Variants in PTPRJ observed in about 807,000 individuals in gnomAD.
PTPRJ encodes the protein receptor-type tyrosine-protein phosphatase eta.
A neutral mutation model predicts 141.3 loss-of-function variants in PTPRJ; 129 were observed. That is an observed-to-expected ratio of 0.91 (90% CI 0.79 to 1.06). PTPRJ has a LOEUF of 1.06. Among genes scored for constraint, PTPRJ ranks in the 50% least tolerant of loss-of-function variants. The pLI is 0.00. For missense variants in PTPRJ, 1,601 were observed against 1,679.7 expected (o/e 0.95, Z 0.82); for synonymous variants, 610 against 640.5 (o/e 0.95, Z 0.72).
intron 1 of PTPRJ, among the ~76,000 whole-genome samples, chr11:48,065,352 G>A (rs1388056928): frequency 2.6e-5 from 4 of 151,946 alleles, no homozygotes; most frequent in Non-Finnish European, 5.9e-5. Context: ...CTCTAAGCCC[G>A]CTCAGTGTGT....
rs749607223 is a variant in PTPRJ, at chr11:48,130,589, A to G, written c.1488A>G (p.Val496=). Residue 496 remains valine (V), a synonymous_variant, in exon 8 of 25, where the codon GTA becomes GTG. Coordinates refer to ENST00000418331, the MANE Select transcript of PTPRJ (RefSeq NM_002843.4). ...ITQEGAGNSR[V]EITTNQSIII... is the part of the protein sequence containing the mutation. ...AGGAGGGAGCTGGCAATTCTCGGGTAGAAATAACCACCAACCAAAGTATTA... is the reference window on the plus strand; with the variant it reads ...AGGAGGGAGCTGGCAATTCTCGGGTGGAAATAACCACCAACCAAAGTATTA... 3.1e-6 allele frequency: 5 copies of G among 1,614,122 alleles called. No individual in the cohort carries two copies. The South Asian group carries it at 5.5e-5, about 18-fold the overall frequency.
At chr11:48,101,093 G>A (rs1391035955) in intron 1 of PTPRJ, among the ~76,000 whole-genome samples, 1 of 152,270 alleles carries the variant, frequency 6.6e-6, no homozygotes, top group African/African-American at 2.4e-5. Context: ...ACGGTGCCAG[G>A]TGACTCCCCC....
At chr11:48,036,624 C>T (rs910512243) in intron 1 of PTPRJ, among the ~76,000 whole-genome samples, 4 of 152,060 alleles carry the variant, frequency 2.6e-5, no homozygotes, top group Non-Finnish European at 5.9e-5. Flanking sequence ...GTTTTTTCTT[C>T]TTTTGCTGTT....
At chr11:48,152,938 A>T (rs556789269) in intron 18 of PTPRJ, among the ~76,000 whole-genome samples, 1 of 152,306 alleles carries the variant, frequency 6.6e-6, no homozygotes, top group South Asian at 2.1e-4. Flanking sequence ...TCTAAATAAG[A>T]TCCCACTCAT....
intron 1 of PTPRJ, among the ~76,000 whole-genome samples, chr11:48,044,414 A>C (rs1022036961): frequency 2.6e-5 from 4 of 152,146 alleles, no homozygotes; most frequent in Non-Finnish European, 4.4e-5. Context: ...ATCACCCTGG[A>C]ACCTAGCTGG....
chr11:48,035,803 A>G (rs1406550913), intron 1 of PTPRJ, among the ~76,000 whole-genome samples: 1 of 152,006 alleles, frequency 6.6e-6, no homozygotes, highest in Non-Finnish European at 1.5e-5. Flanking sequence ...TCTGAATTAG[A>G]GCATGGAATT....
At chr11:48,023,791 T>TA (rs1327304961) in intron 1 of PTPRJ, among the ~76,000 whole-genome samples, 1 of 135,202 alleles carries the variant, frequency 7.4e-6, no homozygotes, top group Non-Finnish European at 1.5e-5. Context: ...CAAAAATAAA[T>TA]AAATAAATAA....
At chr11:48,061,821 T>C (rs1854935443) in intron 1 of PTPRJ, among the ~76,000 whole-genome samples, 1 of 152,162 alleles carries the variant, frequency 6.6e-6, no homozygotes, top group Non-Finnish European at 1.5e-5. Flanking sequence ...CAACTCCATG[T>C]TGTGTGACTT....
intron 1 of PTPRJ, among the ~76,000 whole-genome samples, chr11:48,028,252 C>T (rs1565265144): frequency 6.6e-6 from 1 of 152,202 alleles, no homozygotes; most frequent in Non-Finnish European, 1.5e-5. Flanking sequence ...GCTTGCAGAG[C>T]ACTACCTGTC....
In PTPRJ at chr11:48,073,797, G is replaced by A. The variant is rs547063053; in HGVS notation, c.97-36261G>A. On this transcript the variant is annotated intron_variant, in intron 1 of 24. Coordinates refer to ENST00000418331, the MANE Select transcript of PTPRJ (RefSeq NM_002843.4). ...ATATGTGATTTAAAAGTAAACCCAC[G>A]TAGCTGAAAATGTCTCATAGGTTTT... Among the ~76,000 whole-genome samples, 5 of 152,036 alleles carry A rather than the reference G, an allele frequency of 3.3e-5. No individual in the cohort carries two copies. In the East Asian group the frequency reaches 7.7e-4, roughly 23 times the overall value.
rs773901570 is a variant in PTPRJ, at chr11:48,167,222, A to C, written c.3874A>C (p.Asn1292His). The C allele has an allele frequency of 1.9e-6, 3 of 1,612,240 alleles. No individual in the cohort carries two copies. Among genetic ancestry groups the C allele is most frequent in the Non-Finnish European group, 2.5e-6 (3 of 1,178,554 alleles). Residue 1292 changes from asparagine (N) to histidine (H), a missense_variant, in exon 25 of 25, where the codon AAT (asparagine) becomes CAT (histidine). Transcript: ENST00000418331. ...CTATCAGGACCAGTATGTTTTCCTC[A>C]ATCAGTGTGTTTTGGATATTGTCAG... is the stretch of plus-strand genomic sequence containing the variant. ...VQTEDQYVFL[N>H]QCVLDIVRSQ...
At chr11:48,153,712 C>T (rs1857537862) in intron 18 of PTPRJ, 84 bp from the exon 19 acceptor site, 1 of 870,960 alleles carries the variant, frequency 1.1e-6, no homozygotes, top group Admixed American at 2.0e-5. Flanking sequence ...GACTGTTGGG[C>T]TGGTTTCACT....
chr11:47,991,189 ATAAAT>A (rs747807007), intron 1 of PTPRJ, among the ~76,000 whole-genome samples: 24 of 152,202 alleles, frequency 1.6e-4, no homozygotes, highest in Non-Finnish European at 3.2e-4. Flanking sequence ...GCATAGTTAA[ATAAAT>A]TAAGTGACCA....
At chr11:48,164,231 C>T in intron 23 of PTPRJ, 149 bp from the exon 24 acceptor site, 1 of 979,788 alleles carries the variant, frequency 1.0e-6, no homozygotes, top group Non-Finnish European at 1.5e-6. Context: ...CTTGCTGAGG[C>T]TTCAACTGAG....
intron 1 of PTPRJ, among the ~76,000 whole-genome samples, chr11:48,084,726 G>A (rs1452763126): frequency 1.3e-5 from 2 of 152,140 alleles, no homozygotes; most frequent in Non-Finnish European, 2.9e-5. Context: ...GAAACTTGGA[G>A]TACGTAGTGT....
In PTPRJ at chr11:48,096,725, T is replaced by C. The variant is rs150020899; in HGVS notation, c.97-13333T>C. The C allele has an allele frequency of 3.2e-3, 488 of 154,916 alleles. 1 individual carries two copies. Among genetic ancestry groups the C allele is most frequent in the African/African-American group, 0.011 (464 of 41,598 alleles). The allele number at this position is 154,916 out of a possible 1,614,324, so 9.6% of individuals were successfully genotyped here. A position where few individuals can be genotyped will look rare whatever the true frequency, so the allele number is the denominator to read the frequency against. Reference sequence around the variant, plus strand: ...TGGGCTGCATCATCCTTCCACATTGTCTCTCTAAAGTACCTGAAGCCAGTA... The same window carrying C: ...TGGGCTGCATCATCCTTCCACATTGCCTCTCTAAAGTACCTGAAGCCAGTA... On this transcript the variant is annotated intron_variant, in intron 1 of 24. Coordinates refer to ENST00000418331, the MANE Select transcript of PTPRJ (RefSeq NM_002843.4).
rs747484779 is a variant in PTPRJ at position 47,980,977 on chromosome 11, C to CGCTGCT, written c.80_85dup (p.Leu27_Leu28dup). 16 of 1,191,832 alleles carry CGCTGCT rather than the reference C, an allele frequency of 1.3e-5. No individual in the cohort carries two copies. The highest frequency in any genetic ancestry group is 1.0e-4 in the East Asian group (3 of 29,104). 73.8% of individuals were successfully genotyped at this position (1,191,832 alleles called of 1,614,324 possible). A position where few individuals can be genotyped will look rare whatever the true frequency, so the allele number is the denominator to read the frequency against. On this transcript the variant is annotated inframe_insertion, in exon 1 of 25. Coordinates refer to ENST00000418331, the MANE Select transcript of PTPRJ (RefSeq NM_002843.4). Reference sequence around the variant, plus strand: ...TCGCCCGGGCTGCGCTGGGCGCTGCCGCTGCTGCTGCTGCTGCTGCGCCTG... The same window carrying CGCTGCT: ...TCGCCCGGGCTGCGCTGGGCGCTGCCGCTGCTGCTGCTGCTGCTGCTGCTGCGCCTG...
At chr11:48,137,438 C>T (rs1333350719) in intron 10 of PTPRJ, among the ~76,000 whole-genome samples, 157 bp downstream of exon 10, 1 of 152,162 alleles carries the variant, frequency 6.6e-6, no homozygotes, top group African/African-American at 2.4e-5. Context: ...GGTGCTGTCT[C>T]GATGCCCTCA....
intron 1 of PTPRJ, among the ~76,000 whole-genome samples, chr11:47,990,991 AT>A (rs1487005044): frequency 6.6e-6 from 1 of 151,894 alleles, no homozygotes; most frequent in African/African-American, 2.4e-5. Context: ...AAGTGTTGGG[AT>A]TACAGGTGTG....
Sources: allele counts gnomAD v4.1 joint callset (sites outside exome capture counted in the v4.1 genomes callset), GRCh38; gene constraint gnomAD v4.1.1; transcripts MANE v1.5; gene names NCBI Gene and HGNC (gene_info 2026-07-23, HGNC 2026-07-21).